The following CYREN variants were observed in gnomAD, a reference collection of about 807,000 sequenced individuals.
CYREN encodes the protein cell cycle regulator of NHEJ.
CYREN carries 7 observed loss-of-function variants against 9.7 expected under a neutral mutation model. The observed-to-expected ratio is 0.72, with a 90% CI of 0.41 to 1.36. The LOEUF (loss-of-function observed/expected upper bound fraction) is 1.36, where lower values mean the gene tolerates loss of function less well. Ranked by LOEUF, CYREN falls within the 40% of genes most tolerant of loss-of-function variation. The pLI is 0.01. For synonymous variants in CYREN, 76 were observed against 77.9 expected (o/e 0.98, Z 0.13); for missense variants, 215 against 198.1 (o/e 1.09, Z -0.51).
chr7:135,134,516 T>C (rs1829211117), intron 2 of CYREN, among the ~76,000 whole-genome samples: 1 of 152,138 alleles, frequency 6.6e-6, no homozygotes, highest in African/African-American at 2.4e-5. Context: ...ACAACTACTT[T>C]ACTTTTTAGT....
rs1460353792 is a variant in CYREN, at chr7:135,151,807, C to T, written n.356+16942G>A. On this transcript the variant is annotated intron_variant and non_coding_transcript_variant, in intron 2 of 2. Transcript: ENST00000459937. The surrounding 1 kb of genome is among the most constrained non-coding windows in gnomAD (Gnocchi z 4.3). Reference sequence around the variant, plus strand: ...ATATGACTAGTGAGTGACAGAACGACGACATGCTCCCAGGTCATCTGGCTC... The same window carrying T: ...ATATGACTAGTGAGTGACAGAACGATGACATGCTCCCAGGTCATCTGGCTC... Among the ~76,000 whole-genome samples, 5 of 152,194 alleles carry T rather than the reference C, an allele frequency of 3.3e-5. No homozygotes were observed. Among genetic ancestry groups the T allele is most frequent in the Non-Finnish European group, 5.9e-5 (4 of 68,024 alleles).
At chr7:135,149,698 TAC>T (rs1323709481) in intron 2 of CYREN, among the ~76,000 whole-genome samples, 1 of 152,254 alleles carries the variant, frequency 6.6e-6, no homozygotes, top group Non-Finnish European at 1.5e-5. Context: ...TGTTTTTACC[TAC>T]AGTGTTGATA....
intron 2 of CYREN, among the ~76,000 whole-genome samples, chr7:135,159,220 T>A (rs1434962184): frequency 6.6e-6 from 1 of 152,250 alleles, no homozygotes; most frequent in East Asian, 1.9e-4. Context: ...TCAAAATGGA[T>A]CCACTTACTA....
intron 2 of CYREN, among the ~76,000 whole-genome samples, chr7:135,156,884 C>G (rs907596485): frequency 5.3e-5 from 8 of 152,170 alleles, no homozygotes; most frequent in Admixed American, 4.6e-4. Flanking sequence ...GGGGGCTGGT[C>G]TTTCCCATGC....
At chr7:135,100,643 A>G (rs1165625257) in intron 2 of CYREN, among the ~76,000 whole-genome samples, 1 of 152,258 alleles carries the variant, frequency 6.6e-6, no homozygotes, top group Non-Finnish European at 1.5e-5. Flanking sequence ...TTTAGGTAAG[A>G]GACCAACATG....
intron 2 of CYREN, among the ~76,000 whole-genome samples, chr7:135,157,465 G>A (rs1829823894): frequency 6.6e-6 from 1 of 152,194 alleles, no homozygotes; most frequent in South Asian, 2.1e-4. Flanking sequence ...GCAACAGTGG[G>A]GTAAGTGTGC....
At chr7:135,104,166 T>C (rs1411623899) in intron 2 of CYREN, among the ~76,000 whole-genome samples, 2 of 152,136 alleles carry the variant, frequency 1.3e-5, no homozygotes, top group Non-Finnish European at 2.9e-5. Context: ...CAACATGTGA[T>C]ATTTGGTTTT....
rs1003979195 is a variant in CYREN at position 135,128,980 on chromosome 7, G to A, written n.357-34398C>T. 1.7e-5 allele frequency: 27 copies of A among 1,588,824 alleles called. No individual in the cohort carries two copies. In the Admixed American group the frequency reaches 4.3e-4, roughly 26 times the overall value. ...AGTGAATGCATGTACTTCTTGGAGT[G>A]CAGGCATGTGTACTGCAAAGACTGT... On this transcript the variant is annotated intron_variant and non_coding_transcript_variant, in intron 2 of 2. Transcript: ENST00000459937.
chr7:135,150,912 T>G (rs934267466), intron 2 of CYREN, among the ~76,000 whole-genome samples: 3 of 152,220 alleles, frequency 2.0e-5, no homozygotes, highest in Middle Eastern at 3.2e-3. Context: ...TTTAAGGATT[T>G]TCTTCTCCCT....
chr7:135,116,203 CAT>C (rs1212291131), intron 2 of CYREN, among the ~76,000 whole-genome samples: 9 of 152,248 alleles, frequency 5.9e-5, no homozygotes, highest in African/African-American at 1.9e-4. Flanking sequence ...ACATTTTACA[CAT>C]GAGAAAACTG....
chr7:135,120,139 C>T (rs1481709817), intron 2 of CYREN, among the ~76,000 whole-genome samples: 2 of 152,018 alleles, frequency 1.3e-5, no homozygotes, highest in Admixed American at 1.3e-4. Flanking sequence ...TTTTTCTAAA[C>T]AGATAGAAAA....
intron 2 of CYREN, among the ~76,000 whole-genome samples, chr7:135,096,608 G>GATAGATAGATAGATAA (rs1822847277): frequency 3.5e-5 from 4 of 112,870 alleles, no homozygotes; most frequent in Admixed American, 2.9e-4. Context: ...TAGATAGATA[G>GATAGATAGATAGATAA]ATAGATAGAT....
upstream of CYREN, among the ~76,000 whole-genome samples, chr7:135,171,059 G>A (rs1277000598): frequency 6.6e-6 from 1 of 152,152 alleles, no homozygotes; most frequent in Non-Finnish European, 1.5e-5. Context: ...GCTCCCTGCT[G>A]GGCCAGGCCC....
downstream of CYREN, among the ~76,000 whole-genome samples, chr7:135,162,937 T>A (rs1271118974): frequency 6.6e-6 from 1 of 152,246 alleles, no homozygotes; most frequent in Non-Finnish European, 1.5e-5. Flanking sequence ...AGAGGGACTA[T>A]GATTAGCAAA....
intron 2 of CYREN, among the ~76,000 whole-genome samples, chr7:135,115,201 TTTATCA>T (rs1158813839): frequency 6.6e-6 from 1 of 152,212 alleles, no homozygotes; most frequent in Admixed American, 6.5e-5. Flanking sequence ...TCCCGTAAAC[TTTATCA>T]TTATCTAACA....
chr7:135,095,292 T>C (rs1411883448), intron 2 of CYREN, among the ~76,000 whole-genome samples: 1 of 152,142 alleles, frequency 6.6e-6, no homozygotes, highest in Non-Finnish European at 1.5e-5. Flanking sequence ...CTCTCCCCCA[T>C]ACCTTACCAC....
chr7:135,129,240 A>G (rs1481309901), intron 2 of CYREN: 1 of 1,498,070 alleles, frequency 6.7e-7, no homozygotes, highest in South Asian at 1.1e-5. Context: ...GCCTGGCTAC[A>G]TCATGGGTAT....
Position 135,167,762 on chromosome 7 carries a change from T to C in CYREN, c.183A>G (p.Ile61Met), listed in dbSNP as rs749669465. ...RTVYCMNEAEIVDVALGILIE... is the reference protein window; with the variant it reads ...RTVYCMNEAEMVDVALGILIE... Reference sequence around the variant, plus strand: ...TCAGGATTCCCAGAGCAACATCAACTATCTCAGCCTCATTCATGCAGTACA... The same window carrying C: ...TCAGGATTCCCAGAGCAACATCAACCATCTCAGCCTCATTCATGCAGTACA... The change falls in exon 3 of 4, where the codon ATA becomes ATG. Residue 61 changes from isoleucine to methionine, a missense_variant. Coordinates refer to ENST00000393114, the MANE Select transcript of CYREN (RefSeq NM_024033.4). 1 of 1,614,154 alleles carries C rather than the reference T, an allele frequency of 6.2e-7. No homozygotes were observed. The highest frequency in any genetic ancestry group is 2.2e-5 in the East Asian group (1 of 44,882).
chr7:135,156,848 G>A (rs1000219302), intron 2 of CYREN, among the ~76,000 whole-genome samples: 9 of 152,170 alleles, frequency 5.9e-5, no homozygotes, highest in African/African-American at 1.7e-4. Flanking sequence ...TGTGAGAGGG[G>A]ACGCCAGGGG....
Sources: allele counts gnomAD v4.1 joint callset (sites outside exome capture counted in the v4.1 genomes callset), GRCh38; gene constraint gnomAD v4.1.1; non-coding constraint Gnocchi (gnomAD v3.1); transcripts MANE v1.5; gene names NCBI Gene and HGNC (gene_info 2026-07-23, HGNC 2026-07-21).